KIF21B: variants seen among roughly 807,000 people sequenced by gnomAD.
The protein encoded by KIF21B is kinesin family member 21B, also known as kinesin-like protein KIF21B.
A neutral mutation model predicts 192.9 loss-of-function variants in KIF21B; 85 were observed. The observed-to-expected ratio is 0.44, with a 90% confidence interval of 0.37 to 0.53. KIF21B has a LOEUF of 0.53. Ranked by LOEUF, KIF21B falls within the 20% of genes least tolerant of loss-of-function variation. The pLI, the probability that KIF21B is intolerant of heterozygous loss-of-function variation, is 0.00. For missense variants in KIF21B, 1,716 were observed against 2,194.8 expected (o/e 0.78, Z 4.36); for synonymous variants, 832 against 884.6 (o/e 0.94, Z 1.05).
chr1:201,022,888 C>T (rs542542613), intron 1 of KIF21B, among the ~76,000 whole-genome samples: 2 of 152,352 alleles, frequency 1.3e-5, no homozygotes, highest in South Asian at 2.1e-4. Context: ...AGATCTGGCT[C>T]CCAGGGTGGG....
In KIF21B at chr1:200,999,846, A is replaced by C. The variant is rs771813045; in HGVS notation, c.1767+37T>G. 1.2e-6 allele frequency: 2 copies of C among 1,604,824 alleles called. No individual in the cohort carries two copies. The highest frequency in any genetic ancestry group is 2.2e-5 in the South Asian group (2 of 90,954). Reference sequence around the variant, plus strand: ...GCCAACCCCAGCAGGGACACAAGGCATGCATGTGGTGAGGTGGGGCGGCCC... The same window carrying C: ...GCCAACCCCAGCAGGGACACAAGGCCTGCATGTGGTGAGGTGGGGCGGCCC... On this transcript the variant is annotated intron_variant, in intron 12 of 34. Coordinates refer to ENST00000461742, the MANE Select transcript of KIF21B (RefSeq NM_001252102.2). This position sits in a 1 kb window ranked among gnomAD's most constrained non-coding sequence, Gnocchi z 4.7.
chr1:201,009,005 A>G, intron 2 of KIF21B, 54 bp from the exon 3 acceptor site: 1 of 1,548,304 alleles, frequency 6.5e-7, no homozygotes, highest in Non-Finnish European at 8.7e-7. Flanking sequence ...GGGCACCAGC[A>G]AGCCCTGTAC....
chr1:201,007,124 CCACA>C (rs1446201353), intron 3 of KIF21B, among the ~76,000 whole-genome samples: 1 of 79,198 alleles, frequency 1.3e-5, no homozygotes, highest in East Asian at 4.0e-4. Context: ...ACGCAGACAC[CCACA>C]CACAGACACA....
chr1:200,994,669 G>A (rs148673922), intron 15 of KIF21B, among the ~76,000 whole-genome samples: 5 of 152,312 alleles, frequency 3.3e-5, no homozygotes, highest in South Asian at 2.1e-4. Context: ...CAGGGCCTCC[G>A]CAGCTGAGAT....
chr1:201,008,899 G>T lies in KIF21B; in HGVS notation c.317C>A (p.Ser106Ter). 1 of 1,611,856 alleles carries T rather than the reference G, an allele frequency of 6.2e-7. No individual in the cohort carries two copies. Residue 106 changes from serine to a stop codon, truncating the protein, a stop_gained, in exon 3 of 35, where the codon TCG (serine) becomes TAG (stop). Transcript: ENST00000461742. LOFTEE classifies it high-confidence loss of function. ...CGGGATGATGCCCTGCTCCTCCTCC[G>T]ACGTTGCCATGTCAAAGCCAGTGCC... ...TMGTGFDMAT[S>*]EEEQGIIPRA... is the part of the protein sequence containing the mutation.
chr1:201,003,244 TG>T (rs1657602159), intron 8 of KIF21B: 1 of 378,584 alleles, frequency 2.6e-6, no homozygotes, highest in African/African-American at 2.1e-5. Flanking sequence ...CAGTCTTACC[TG>T]TTCCAACACA....
intron 3 of KIF21B, among the ~76,000 whole-genome samples, chr1:201,006,030 C>T (rs767221820): frequency 6.6e-6 from 1 of 152,252 alleles, no homozygotes. Context: ...TGAGAAGATC[C>T]TGTCGTATTC....
Position 200,991,801 on chromosome 1 carries a change from C to A in KIF21B, c.2386-76G>T. ...CTCTGTCTGTGTACAGGCTGGCTAG[C>A]CCTGTAGTTGAAAGCCTGGGCTTCA... On this transcript the variant is annotated intron_variant, in intron 16 of 34. Transcript: ENST00000461742. 2.1e-6 allele frequency: 3 copies of A among 1,462,472 alleles called. No homozygotes were observed. The East Asian group carries it at 7.2e-5, about 35-fold the overall frequency. The allele number at this position is 1,462,472 out of a possible 1,614,324, so 90.6% of individuals were successfully genotyped here. A position where few individuals can be genotyped will look rare whatever the true frequency, so the allele number is the denominator to read the frequency against.
Position 200,991,856 on chromosome 1 carries a change from T to A in KIF21B, c.2386-131A>T. ...GATTCTCATGCAGCCAAACTCTTGATAAAGTGGGACCCAGGGTTGAGCTCC... is the reference window on the plus strand; with the variant it reads ...GATTCTCATGCAGCCAAACTCTTGAAAAAGTGGGACCCAGGGTTGAGCTCC... On this transcript the variant is annotated intron_variant, in intron 16 of 34. Coordinates refer to ENST00000461742, the MANE Select transcript of KIF21B (RefSeq NM_001252102.2). 5 of 937,642 alleles carry A rather than the reference T, an allele frequency of 5.3e-6. No homozygotes were observed. The South Asian group carries it at 7.9e-5, about 15-fold the overall frequency. The allele number at this position is 937,642 out of a possible 1,614,324, so 58.1% of individuals were successfully genotyped here.
At chr1:200,989,827 T>C (rs1372136534) in intron 21 of KIF21B, 115 bp downstream of exon 21, 1 of 776,770 alleles carries the variant, frequency 1.3e-6, no homozygotes, top group Non-Finnish European at 2.1e-6. Flanking sequence ...CGGCTTGTCC[T>C]AGCCTGTGAG....
At chr1:200,974,644 C>T (rs1213264326) in intron 34 of KIF21B, 70 bp downstream of exon 34, 5 of 1,496,588 alleles carry the variant, frequency 3.3e-6, no homozygotes, top group Non-Finnish European at 4.5e-6. Context: ...CCCTGAGCCT[C>T]CCAGCCTCCC....
At chr1:200,991,179 G>A (rs2297909) in intron 17 of KIF21B, 30 bp from the exon 18 acceptor site, 462,723 of 1,581,260 alleles carry the variant, frequency 0.29, 69,180 homozygotes, top group Non-Finnish European at 0.31. Context: ...AGAGGGAGCC[G>A]GTGAGCAGGG....
At chr1:200,991,347 C>T (rs531074339) in intron 17 of KIF21B, among the ~76,000 whole-genome samples, 198 bp from the exon 18 acceptor site, 16 of 152,266 alleles carry the variant, frequency 1.1e-4, no homozygotes, top group South Asian at 1.0e-3. Context: ...CTTTTTTTAA[C>T]GCACAGCTCA....
At chr1:200,992,238 G>T in intron 16 of KIF21B, 44 bp downstream of exon 16, 1 of 1,576,560 alleles carries the variant, frequency 6.3e-7, no homozygotes. Flanking sequence ...GGCTGGGAGT[G>T]CTAGGGCCAA....
At chr1:200,986,457 G>A (rs919550617) in intron 26 of KIF21B, among the ~76,000 whole-genome samples, 4 of 150,636 alleles carry the variant, frequency 2.7e-5, no homozygotes, top group African/African-American at 7.3e-5. Context: ...TCCCAGGTTC[G>A]AACCATTCTA....
intron 15 of KIF21B, among the ~76,000 whole-genome samples, chr1:200,995,078 C>T (rs1656961525): frequency 6.6e-6 from 1 of 152,242 alleles, no homozygotes; most frequent in African/African-American, 2.4e-5. Flanking sequence ...GGGCACAGAG[C>T]CTGCCCAGGT....
intron 26 of KIF21B, among the ~76,000 whole-genome samples, chr1:200,985,263 G>C (rs918029169): frequency 1.3e-5 from 2 of 152,202 alleles, no homozygotes; most frequent in Non-Finnish European, 2.9e-5. Context: ...CGAGGTGGGA[G>C]GATTGCTTGA....
At position 201,003,688 on chromosome 1, in the gene KIF21B, G is replaced by A; in HGVS notation, c.1110C>T (p.Ile370=). ...CCTGGTTCACTACCACCTTGTTCTT[G>A]ATGTTGCGGGCCCGATTGGCATATT... The part of the protein sequence containing the change: ...TLKYANRARN[I]KNKVVVNQDK... The change falls in exon 8 of 35, where the codon ATC becomes ATT. Residue 370 remains isoleucine (I), a synonymous_variant. Coordinates refer to ENST00000461742, the MANE Select transcript of KIF21B (RefSeq NM_001252102.2). 2 of 1,614,206 alleles carry A rather than the reference G, an allele frequency of 1.2e-6. No homozygotes were observed. The highest frequency in any genetic ancestry group is 1.7e-6 in the Non-Finnish European group (2 of 1,180,034).
rs1230205798 is a variant in KIF21B, at chr1:200,986,985, C to T, written c.3614+11G>A. ...CTCCACTCCAACCCACATTCCTGCT[C>T]CCATCCTTACAAAGTGCTGCCCCGG... On this transcript the variant is annotated intron_variant, in intron 25 of 34. Coordinates refer to ENST00000461742, the MANE Select transcript of KIF21B (RefSeq NM_001252102.2). 3.1e-6 allele frequency: 5 copies of T among 1,613,914 alleles called. No homozygotes were observed. The Admixed American group carries it at 6.7e-5, about 22-fold the overall frequency.
Sources: gnomAD v4.1 joint callset for allele counts (sites outside exome capture counted in the v4.1 genomes callset) on GRCh38, gnomAD v4.1.1 for gene constraint, Gnocchi (gnomAD v3.1) non-coding constraint, MANE v1.5 for transcripts, NCBI Gene and HGNC (gene_info 2026-07-23, HGNC 2026-07-21) for gene names.